Variants in ZNF81 observed in about 807,000 individuals in gnomAD.
ZNF81 encodes zinc finger protein 81 (HFZ20).
A neutral mutation model predicts 32.3 loss-of-function variants in ZNF81; 5 were observed. The observed-to-expected ratio is 0.15, with a 90% CI of 0.08 to 0.33. The LOEUF (loss-of-function observed/expected upper bound fraction) is 0.33, where lower values mean the gene tolerates loss of function less well. Ranked by LOEUF, ZNF81 falls within the 10% of genes least tolerant of loss-of-function variation. ZNF81 has a pLI of 1.00. For synonymous variants in ZNF81, 163 were observed against 166.8 expected, an observed-to-expected ratio of 0.98 and a Z score of 0.17; for missense variants, 379 against 479.8, an observed-to-expected ratio of 0.79 and a Z score of 1.96.
rs186709914 is a variant in ZNF81, at chrX:47,887,651, T to A, written c.55-348T>A. Among the ~76,000 whole-genome samples, 876 of 111,567 alleles carry A rather than the reference T, an allele frequency of 7.9e-3. 7 individuals carry two copies. Among genetic ancestry groups the A allele is most frequent in the African/African-American group, 0.028 (847 of 30,714 alleles). ...AGGAGAGGGAGCTATGTGAAATTTTTAAAAATTGGGATGGAAGGGATATAT... is the reference window on the plus strand; with the variant it reads ...AGGAGAGGGAGCTATGTGAAATTTTAAAAAATTGGGATGGAAGGGATATAT... On this transcript the variant is annotated intron_variant, in intron 2 of 4. Coordinates refer to ENST00000338637, the MANE Select transcript of ZNF81 (RefSeq NM_007137.5).
chrX:47,906,266 T>A (rs2058720687), intron 4 of ZNF81, among the ~76,000 whole-genome samples: 2 of 84,885 alleles, frequency 2.4e-5, no homozygotes, highest in African/African-American at 4.2e-5. Context: ...TCTGAATAAT[T>A]AATTATAACA....
chrX:47,848,327 C>T (rs914209727), intron 2 of ZNF81, among the ~76,000 whole-genome samples: 5 of 111,725 alleles, frequency 4.5e-5, no homozygotes, highest in African/African-American at 1.6e-4. Flanking sequence ...ATTTGGTTGT[C>T]GATGCTCCTT....
intron 2 of ZNF81, among the ~76,000 whole-genome samples, chrX:47,869,569 G>A (rs1556883651): frequency 1.8e-5 from 2 of 112,347 alleles, no homozygotes; most frequent in Admixed American, 9.4e-5. Context: ...CTTTTCAGTC[G>A]AATCTCAATA....
At chrX:47,875,429 T>A (rs970604521) in intron 2 of ZNF81, among the ~76,000 whole-genome samples, 1 of 112,347 alleles carries the variant, frequency 8.9e-6, no homozygotes, top group Non-Finnish European at 1.9e-5. Context: ...TGTACAGATA[T>A]GTTAGCCCTT....
intron 2 of ZNF81, among the ~76,000 whole-genome samples, chrX:47,868,344 T>C (rs1423509130): frequency 1.8e-5 from 2 of 111,741 alleles, no homozygotes; most frequent in Admixed American, 9.5e-5. Context: ...TTTTTTATAC[T>C]ATTCTTCTGT....
At position 47,916,387 on chromosome X, in the gene ZNF81, C is replaced by G; in HGVS notation, c.1741C>G (p.Pro581Ala). The part of the protein sequence containing the change: ...THQRIHTTEK[P>A]YKCPDCEKSF... ...TCAGAGAATTCATACTACAGAGAAG[C>G]CTTATAAATGTCCTGACTGTGAGAA... Residue 581 changes from proline (P) to alanine (A), a missense_variant, in exon 5 of 5, where the codon CCT (proline) becomes GCT (alanine). By Grantham distance (27) the Pro-to-Ala change is conservative. Around this residue, in one of 2 missense-constraint regions of ZNF81, gnomAD observed 102 missense variants for 173.2 expected, o/e 0.59. Transcript: ENST00000338637. 1.7e-6 allele frequency: 2 copies of G among 1,211,438 alleles called. No homozygotes were observed. Among genetic ancestry groups the G allele is most frequent in the Non-Finnish European group, 2.2e-6 (2 of 895,436 alleles).
chrX:47,856,071 A>AAAAAT (rs2058515832), intron 2 of ZNF81, among the ~76,000 whole-genome samples: 1 of 96,707 alleles, frequency 1.0e-5, no homozygotes, highest in African/African-American at 3.6e-5. Context: ...AAAAAAAAAA[A>AAAAAT]AAAAGAATTG....
intron 1 of ZNF81, among the ~76,000 whole-genome samples, chrX:47,838,253 A>G (rs1413881944): frequency 8.9e-6 from 1 of 111,867 alleles, no homozygotes; most frequent in African/African-American, 3.3e-5. Context: ...CAATCATGTC[A>G]TATACAAACA....
rs6609596 is a variant in ZNF81 at position 47,914,745 on chromosome X, A to G, written c.278-179A>G. On this transcript the variant is annotated intron_variant, in intron 4 of 4. Coordinates refer to ENST00000338637, the MANE Select transcript of ZNF81 (RefSeq NM_007137.5). ...TATTTCTTAGAATGGTGCCTGGAAT[A>G]TTGTAAGTGTCGTGTAAGAGTTTGG... 9.8e-4 allele frequency among the ~76,000 whole-genome samples: 110 copies of G among 111,799 alleles called. No individual in the cohort carries two copies. In the East Asian group the frequency reaches 0.027, roughly 27 times the overall value.
chrX:47,844,989 A>G (rs1031773958), intron 1 of ZNF81, among the ~76,000 whole-genome samples: 17 of 112,301 alleles, frequency 1.5e-4, no homozygotes, highest in African/African-American at 5.5e-4. Context: ...AAACCTGTCA[A>G]TTCCCAACAT....
At chrX:47,840,503 C>CTTTTTTTTTTTT (rs1225455438) in intron 1 of ZNF81, among the ~76,000 whole-genome samples, 1 of 102,121 alleles carries the variant, frequency 9.8e-6, no homozygotes, top group Non-Finnish European at 2.0e-5. Context: ...TTTTCTTTTT[C>CTTTTTTTTTTTT]TTTTTTTTTT....
At position 47,920,807 on chromosome X, in the gene ZNF81, G is replaced by A. The variant is rs1443711545; in HGVS notation, c.*4175G>A. 1.8e-5 allele frequency: 2 copies of A among 110,797 alleles called. No homozygotes were observed. Among genetic ancestry groups the A allele is most frequent in the East Asian group, 2.9e-4 (1 of 3,493 alleles). The allele number at this position is 110,797 out of a possible 1,213,427, so 9.1% of individuals were successfully genotyped here. On this transcript the variant is annotated 3_prime_UTR_variant, in exon 5 of 5. Coordinates refer to ENST00000338637, the MANE Select transcript of ZNF81 (RefSeq NM_007137.5). ...GCAAGCAGAGACCAACTACCCTTAG[G>A]TCTACAGCTCTCATGAGTCTCCCGC... is the stretch of plus-strand genomic sequence containing the variant.
chrX:47,909,690 G>A (rs2058732669), intron 4 of ZNF81, among the ~76,000 whole-genome samples: 1 of 106,159 alleles, frequency 9.4e-6, no homozygotes, highest in Admixed American at 1.0e-4. Flanking sequence ...CATGTGCCAT[G>A]CTGGTGTGCT....
chrX:47,872,666 C>T (rs2058584854), intron 2 of ZNF81, among the ~76,000 whole-genome samples: 1 of 111,842 alleles, frequency 8.9e-6, no homozygotes. Context: ...GTATTTACTT[C>T]CCTAAGGTCT....
intron 3 of ZNF81, among the ~76,000 whole-genome samples, chrX:47,891,448 A>T (rs782453151): frequency 1.8e-5 from 2 of 111,995 alleles, no homozygotes; most frequent in Non-Finnish European, 1.9e-5. Context: ...GATTTCCGCA[A>T]TCCCTCCAGG....
At chrX:47,877,240 G>A (rs1055388346) in intron 2 of ZNF81, among the ~76,000 whole-genome samples, 11 of 111,641 alleles carry the variant, frequency 9.9e-5, no homozygotes, top group Non-Finnish European at 1.3e-4. Flanking sequence ...TCCCTTGGGC[G>A]ACTGTATCCA....
At chrX:47,848,757 G>T (rs1273690568) in intron 2 of ZNF81, among the ~76,000 whole-genome samples, 6 of 111,042 alleles carry the variant, frequency 5.4e-5, no homozygotes, top group Non-Finnish European at 1.1e-4. Context: ...TTCAGATTAG[G>T]GATGCCCAAC....
At chrX:47,856,808 C>T (rs918281838) in intron 2 of ZNF81, among the ~76,000 whole-genome samples, 3 of 111,190 alleles carry the variant, frequency 2.7e-5, no homozygotes, top group Non-Finnish European at 5.7e-5. Flanking sequence ...AGATGGTGCT[C>T]ACCTGTAATC....
intron 2 of ZNF81, among the ~76,000 whole-genome samples, chrX:47,851,769 T>G (rs1248841383): frequency 8.9e-6 from 1 of 112,318 alleles, no homozygotes; most frequent in Non-Finnish European, 1.9e-5. Context: ...TCAGCTGTAT[T>G]TGGGAAAAAA....
Sources: gnomAD v4.1 joint callset for allele counts (sites outside exome capture counted in the v4.1 genomes callset) on GRCh38, gnomAD v4.1.1 for gene constraint, gnomAD v4.1.1 regional missense constraint, MANE v1.5 for transcripts, NCBI Gene and HGNC (gene_info 2026-07-23, HGNC 2026-07-21) for gene names.